ANO10: variants seen among roughly 807,000 people sequenced by gnomAD.
ANO10 encodes the protein anoctamin-10.
ANO10 carries 77 observed loss-of-function variants against 74.7 expected under a neutral mutation model. The ratio of observed to expected loss-of-function variants is 1.03; its 90% CI spans 0.86 to 1.25. ANO10 has a LOEUF of 1.25. Ranked by LOEUF, ANO10 falls within the 50% of genes most tolerant of loss-of-function variation. The pLI is 0.00. For synonymous variants in ANO10, 279 were observed against 284.9 expected (o/e 0.98, Z 0.21); for missense variants, 721 against 778.1 (o/e 0.93, Z 0.87).
intron 7 of ANO10, among the ~76,000 whole-genome samples, chr3:43,572,830 A>T (rs2080803927): frequency 6.6e-6 from 1 of 152,162 alleles, no homozygotes; most frequent in East Asian, 1.9e-4. Flanking sequence ...GTCATTCTAG[A>T]AAGTGAGCAG....
At chr3:43,395,544 T>G (rs557544633) in intron 12 of ANO10, among the ~76,000 whole-genome samples, 6 of 152,322 alleles carry the variant, frequency 3.9e-5, no homozygotes, top group Admixed American at 2.0e-4. Flanking sequence ...GAAAAGACTA[T>G]TCTCTACTGC....
At chr3:43,426,339 T>C (rs2092900057) in intron 12 of ANO10, among the ~76,000 whole-genome samples, 1 of 152,212 alleles carries the variant, frequency 6.6e-6, no homozygotes, top group Non-Finnish European at 1.5e-5. Context: ...TCCATTAACA[T>C]AAATTAATTT....
In ANO10 at chr3:43,576,687, C is replaced by T. The variant is rs1321968406; in HGVS notation, c.1162+5G>A. ...AAGACGTGAATATAAAGCCTCAAGT[C>T]TTACCCCATGAAGTTAAAAACTCGG... On this transcript the variant is annotated splice_donor_5th_base_variant and intron_variant, in intron 6 of 12. Transcript: ENST00000292246. 6.2e-7 allele frequency: 1 copy of T among 1,613,956 alleles called. No individual in the cohort carries two copies. Among genetic ancestry groups the T allele is most frequent in the Non-Finnish European group, 8.5e-7 (1 of 1,179,920 alleles).
chr3:43,586,520 A>G (rs1336477179), intron 4 of ANO10, among the ~76,000 whole-genome samples: 1 of 152,210 alleles, frequency 6.6e-6, no homozygotes, highest in Non-Finnish European at 1.5e-5. Flanking sequence ...TCCAGGAAAA[A>G]TAAGGGTTCA....
chr3:43,438,670 C>T (rs140587695), intron 11 of ANO10, among the ~76,000 whole-genome samples: 6,933 of 151,972 alleles, frequency 0.046, 444 homozygotes, highest in African/African-American at 0.14. Context: ...TTGCTTGAAT[C>T]CAGGAGGCAA....
chr3:43,661,085 C>T (rs975966021), intron 1 of ANO10, among the ~76,000 whole-genome samples: 1 of 151,950 alleles, frequency 6.6e-6, no homozygotes, highest in South Asian at 2.1e-4. Context: ...GAAGAGCAAC[C>T]CCAAGAAACA....
chr3:43,574,354 T>C (rs1291564575), intron 7 of ANO10, among the ~76,000 whole-genome samples: 4 of 146,550 alleles, frequency 2.7e-5, no homozygotes, highest in African/African-American at 1.0e-4. Context: ...CACTGCAACC[T>C]CCACCTCCTG....
intron 1 of ANO10, chr3:43,690,833 C>G (rs962906890): frequency 1.6e-6 from 1 of 636,642 alleles, no homozygotes; most frequent in Non-Finnish European, 2.3e-6. Flanking sequence ...GGCAAGGCCG[C>G]GCACGCGCAA....
chr3:43,493,252 G>A (rs544397732), intron 11 of ANO10, among the ~76,000 whole-genome samples: 17 of 152,190 alleles, frequency 1.1e-4, no homozygotes, highest in African/African-American at 3.4e-4. Flanking sequence ...CAGGGAGGGC[G>A]ACATCACACA....
intron 11 of ANO10, among the ~76,000 whole-genome samples, chr3:43,450,537 A>G (rs149599587): frequency 6.0e-4 from 92 of 152,308 alleles, no homozygotes; most frequent in African/African-American, 2.2e-3. Flanking sequence ...GTGAAATTCC[A>G]TCTCAAAAAA....
chr3:43,543,592 G>A (rs930362824), intron 11 of ANO10, among the ~76,000 whole-genome samples: 7 of 152,114 alleles, frequency 4.6e-5, no homozygotes, highest in Admixed American at 4.6e-4. Context: ...GTTTCACCGT[G>A]TTAGCCAGGA....
At position 43,580,382 on chromosome 3, in the gene ANO10, G is replaced by A. The variant is rs1365430903; in HGVS notation, c.563C>T (p.Thr188Ile). The A allele has an allele frequency of 6.2e-7, 1 of 1,614,044 alleles. No homozygotes were observed. The highest frequency in any genetic ancestry group is 8.5e-7 in the Non-Finnish European group (1 of 1,179,996). Reference protein sequence around the residue: ...ALKKLEDTWYTRFALKYQPID... With the variant: ...ALKKLEDTWYIRFALKYQPID... ...GGGCTGATACTTCAAAGCAAACCGA[G>A]TGTACCAGGTGTCCTCAAGCTTCTT... is the stretch of plus-strand genomic sequence containing the variant. The change falls in exon 5 of 13, where the codon ACT becomes ATT. Residue 188 changes from threonine to isoleucine, a missense_variant. Thr to Ile is a moderately conservative substitution (Grantham distance 89, BLOSUM62 -1). Transcript: ENST00000292246.
At chr3:43,578,990 G>C (rs1486324865) in intron 5 of ANO10, among the ~76,000 whole-genome samples, 2 of 151,928 alleles carry the variant, frequency 1.3e-5, no homozygotes, top group African/African-American at 4.8e-5. Flanking sequence ...AACAATTTTT[G>C]TTTGGTAAAA....
At chr3:43,561,767 G>A (rs1324293968) in intron 8 of ANO10, among the ~76,000 whole-genome samples, 1 of 152,128 alleles carries the variant, frequency 6.6e-6, no homozygotes, top group Admixed American at 6.5e-5. Context: ...TGATCTGACT[G>A]CGATACATTT....
At chr3:43,681,547 G>A (rs894539901) in intron 1 of ANO10, among the ~76,000 whole-genome samples, 3 of 152,108 alleles carry the variant, frequency 2.0e-5, no homozygotes, top group African/African-American at 4.8e-5. Flanking sequence ...AGGATATCCA[G>A]GAATTGAACT....
At chr3:43,621,413 T>A in intron 1 of ANO10, among the ~76,000 whole-genome samples, 1 of 152,074 alleles carries the variant, frequency 6.6e-6, no homozygotes, top group Non-Finnish European at 1.5e-5. Context: ...CAAACCTGCT[T>A]GGAGACAGCC....
intron 11 of ANO10, among the ~76,000 whole-genome samples, chr3:43,432,948 T>TG: frequency 1.3e-5 from 1 of 74,928 alleles, no homozygotes; most frequent in Non-Finnish European, 2.7e-5. Flanking sequence ...TTAATTCTTT[T>TG]TTTTTTTTTT....
intron 4 of ANO10, among the ~76,000 whole-genome samples, chr3:43,588,350 A>G (rs765217816): frequency 2.0e-5 from 3 of 152,156 alleles, no homozygotes; most frequent in Non-Finnish European, 4.4e-5. Context: ...AATTGACTAT[A>G]TCAATATAAA....
chr3:43,673,129 T>G (rs2084079874), intron 1 of ANO10, among the ~76,000 whole-genome samples: 1 of 152,238 alleles, frequency 6.6e-6, no homozygotes. Flanking sequence ...GAATCAATGA[T>G]GGGTGAAAAT....
Sources: gnomAD v4.1 joint callset for allele counts (sites outside exome capture counted in the v4.1 genomes callset) on GRCh38, gnomAD v4.1.1 for gene constraint, MANE v1.5 for transcripts, NCBI Gene and HGNC (gene_info 2026-07-23, HGNC 2026-07-21) for gene names.